Variants in CNTNAP2 observed in about 807,000 individuals in gnomAD.
CNTNAP2 encodes the protein contactin-associated protein-like 2.
Under a neutral mutation model 155.2 loss-of-function variants are expected in CNTNAP2, and 98 were observed. The observed-to-expected ratio is 0.63, with a 90% confidence interval of 0.54 to 0.75. The LOEUF (loss-of-function observed/expected upper bound fraction) is 0.75, where lower values mean the gene tolerates loss of function less well. Among genes scored for constraint, CNTNAP2 ranks in the 30% least tolerant of loss-of-function variants. The pLI is 0.00. For missense variants in CNTNAP2, 1,727 were observed against 1,688.1 expected (o/e 1.02, Z -0.40); for synonymous variants, 651 against 631.2 (o/e 1.03, Z -0.47).
chr7:148,399,454 A>G (rs1241963197), intron 22 of CNTNAP2, among the ~76,000 whole-genome samples: 1 of 152,184 alleles, frequency 6.6e-6, no homozygotes, highest in East Asian at 1.9e-4. Flanking sequence ...TCTCTCTCAT[A>G]TATGCCTTTA....
At chr7:148,184,879 A>C (rs1795092390) in intron 18 of CNTNAP2, among the ~76,000 whole-genome samples, 1 of 152,240 alleles carries the variant, frequency 6.6e-6, no homozygotes, top group Non-Finnish European at 1.5e-5. Context: ...TGAGGATCAA[A>C]TGAGCTGATG....
intron 1 of CNTNAP2, among the ~76,000 whole-genome samples, chr7:146,366,098 A>G (rs996416881): frequency 6.6e-6 from 1 of 152,162 alleles, no homozygotes; most frequent in Non-Finnish European, 1.5e-5. Flanking sequence ...ATATGGATAT[A>G]GATAGATATG....
At chr7:147,740,685 T>C (rs955343911) in intron 13 of CNTNAP2, among the ~76,000 whole-genome samples, 1 of 152,174 alleles carries the variant, frequency 6.6e-6, no homozygotes, top group African/African-American at 2.4e-5. Context: ...CCTCAAATTG[T>C]TTTTGGAAGT....
chr7:147,958,659 A>G (rs1210336157), intron 14 of CNTNAP2, among the ~76,000 whole-genome samples: 2 of 152,222 alleles, frequency 1.3e-5, no homozygotes, highest in Non-Finnish European at 2.9e-5. Flanking sequence ...TATAGATTGC[A>G]TAATTTTGTA....
At chr7:146,714,170 C>T (rs142832858) in intron 1 of CNTNAP2, among the ~76,000 whole-genome samples, 108 of 152,266 alleles carry the variant, frequency 7.1e-4, no homozygotes, top group Middle Eastern at 3.4e-3. Context: ...CTATTCACTC[C>T]TCTATTCTGT....
At chr7:147,598,608 G>T (rs1166917357) in intron 12 of CNTNAP2, among the ~76,000 whole-genome samples, 1 of 152,082 alleles carries the variant, frequency 6.6e-6, no homozygotes, top group Non-Finnish European at 1.5e-5. Context: ...CTGAGATTAT[G>T]ATTATCAGTG....
At chr7:147,437,288 G>C (rs1797566044) in intron 10 of CNTNAP2, among the ~76,000 whole-genome samples, 1 of 152,144 alleles carries the variant, frequency 6.6e-6, no homozygotes, top group Admixed American at 6.5e-5. Context: ...AGTATACTGT[G>C]AGGCCCAATT....
chr7:146,425,486 T>C (rs1482515530), intron 1 of CNTNAP2, among the ~76,000 whole-genome samples: 1 of 152,226 alleles, frequency 6.6e-6, no homozygotes, highest in African/African-American at 2.4e-5. Context: ...AGAAACATCT[T>C]TGAGGCTGTG....
At chr7:146,604,702 A>G (rs1350110207) in intron 1 of CNTNAP2, among the ~76,000 whole-genome samples, 1 of 135,968 alleles carries the variant, frequency 7.4e-6, no homozygotes, top group Admixed American at 7.4e-5. Flanking sequence ...AGACTGGATG[A>G]AGAAAATGTG....
intron 1 of CNTNAP2, among the ~76,000 whole-genome samples, chr7:146,303,072 A>ATGTGTGTGTG (rs60828609): frequency 7.3e-6 from 1 of 136,380 alleles, no homozygotes; most frequent in Admixed American, 7.5e-5. Context: ...CTTTGTGTGC[A>ATGTGTGTGTG]TGTGTGTGTG....
chr7:146,571,857 G>A (rs538291659), intron 1 of CNTNAP2, among the ~76,000 whole-genome samples: 39 of 151,778 alleles, frequency 2.6e-4, no homozygotes, highest in African/African-American at 9.4e-4. Flanking sequence ...TCAGGTTCCC[G>A]AGTAGCTGGG....
intron 15 of CNTNAP2, among the ~76,000 whole-genome samples, chr7:148,054,224 G>A (rs968046705): frequency 3.3e-4 from 50 of 151,996 alleles, no homozygotes; most frequent in African/African-American, 1.1e-3. Flanking sequence ...CACCCGCCTC[G>A]GCCTCCCATA....
chr7:147,598,167 CT>C (rs57317671), intron 12 of CNTNAP2, among the ~76,000 whole-genome samples: 53,989 of 147,738 alleles, frequency 0.37, 9,824 homozygotes, highest in African/African-American at 0.44. Context: ...TTCTTTCTTT[CT>C]TTTTTTTTTT....
At chr7:148,373,064 G>C (rs1241776529) in intron 21 of CNTNAP2, among the ~76,000 whole-genome samples, 1 of 152,136 alleles carries the variant, frequency 6.6e-6, no homozygotes, top group Non-Finnish European at 1.5e-5. Context: ...GACACACATG[G>C]AGCTGTCATC....
chr7:148,048,469 A>G (rs1227935941), intron 15 of CNTNAP2, among the ~76,000 whole-genome samples: 1 of 152,042 alleles, frequency 6.6e-6, no homozygotes, highest in Admixed American at 6.6e-5. Context: ...TGCTTCTTTG[A>G]CATTTCTTCA....
At chr7:147,752,969 C>G (rs1048258853) in intron 13 of CNTNAP2, among the ~76,000 whole-genome samples, 2 of 152,158 alleles carry the variant, frequency 1.3e-5, no homozygotes, top group East Asian at 3.9e-4. Flanking sequence ...TTTGATTCAA[C>G]TGGACCAATT....
At chr7:147,660,821 T>G (rs2116952581) in intron 13 of CNTNAP2, among the ~76,000 whole-genome samples, 1 of 152,324 alleles carries the variant, frequency 6.6e-6, no homozygotes, top group East Asian at 1.9e-4. Flanking sequence ...AGGAGACTGG[T>G]TAGCCTCTGA....
chr7:147,907,610 A>G (rs1241535560), intron 14 of CNTNAP2, among the ~76,000 whole-genome samples: 1 of 151,980 alleles, frequency 6.6e-6, no homozygotes, highest in Non-Finnish European at 1.5e-5. Flanking sequence ...CAGATTTGCC[A>G]CTTTTGGGGG....
intron 1 of CNTNAP2, among the ~76,000 whole-genome samples, chr7:146,295,312 G>T (rs952778275): frequency 2.1e-5 from 3 of 143,784 alleles, no homozygotes; most frequent in African/African-American, 8.9e-5. Flanking sequence ...TGCAAAAACT[G>T]TTTTTTTTGG....
Sources: allele counts gnomAD v4.1 joint callset (sites outside exome capture counted in the v4.1 genomes callset), GRCh38; gene constraint gnomAD v4.1.1; transcripts MANE v1.5; gene names NCBI Gene and HGNC (gene_info 2026-07-23, HGNC 2026-07-21).